Variants in KCND3 observed in about 807,000 individuals in gnomAD.
KCND3 encodes potassium voltage-gated channel subfamily D member 3.
A neutral mutation model predicts 51.1 loss-of-function variants in KCND3; 9 were observed. The ratio of observed to expected loss-of-function variants is 0.18; its 90% CI spans 0.11 to 0.31. KCND3 has a LOEUF of 0.31. Among genes scored for constraint, KCND3 ranks in the 10% least tolerant of loss-of-function variants. The pLI is 1.00. For synonymous variants in KCND3, 349 were observed against 368.0 expected, an observed-to-expected ratio of 0.95 and a Z score of 0.59; for missense variants, 526 against 903.8, an observed-to-expected ratio of 0.58 and a Z score of 5.36.
chr1:111,809,892 C>T (rs1017833176), intron 2 of KCND3, among the ~76,000 whole-genome samples: 4 of 152,146 alleles, frequency 2.6e-5, no homozygotes, highest in African/African-American at 9.7e-5. Context: ...CTCTCTGTGC[C>T]CATCCTGCTC....
intron 2 of KCND3, among the ~76,000 whole-genome samples, chr1:111,972,502 C>T (rs186248207): frequency 1.3e-4 from 20 of 152,330 alleles, no homozygotes; most frequent in African/African-American, 3.8e-4. Flanking sequence ...ACTAGCAAAC[C>T]AGCATATTAG....
chr1:111,987,279 A>T (rs1675334426), intron 1 of KCND3, among the ~76,000 whole-genome samples: 1 of 152,122 alleles, frequency 6.6e-6, no homozygotes, highest in African/African-American at 2.4e-5. Context: ...CTGCTTTCAG[A>T]TGAATAATTG....
intron 2 of KCND3, among the ~76,000 whole-genome samples, chr1:111,926,559 AG>A (rs1419864522): frequency 6.6e-6 from 1 of 152,178 alleles, no homozygotes; most frequent in African/African-American, 2.4e-5. Context: ...GGTGGCAGGG[AG>A]GGGCTTGGAG....
Position 111,917,211 on chromosome 1 carries a change from C to T in KCND3, c.1106+64410G>A, listed in dbSNP as rs540160619. Among the ~76,000 whole-genome samples, 13 of 152,304 alleles carry T rather than the reference C, an allele frequency of 8.5e-5. No individual in the cohort carries two copies. The South Asian group carries it at 2.7e-3, about 32-fold the overall frequency. ...GCAAGAATGCCTGCTTTGATCATTT[C>T]TATTTACCATTTCATTCAACATTGT... On this transcript the variant is annotated intron_variant, in intron 2 of 7. Coordinates refer to ENST00000302127, the MANE Select transcript of KCND3 (RefSeq NM_001378969.1).
chr1:111,782,264 TG>T (rs1262824017), intron 3 of KCND3, among the ~76,000 whole-genome samples: 1 of 152,192 alleles, frequency 6.6e-6, no homozygotes, highest in African/African-American at 2.4e-5. Flanking sequence ...TCTTGCTTCC[TG>T]GGAAGTATCT....
chr1:111,941,558 T>A (rs946544474), intron 2 of KCND3, among the ~76,000 whole-genome samples: 4 of 152,176 alleles, frequency 2.6e-5, no homozygotes, highest in African/African-American at 9.7e-5. Context: ...CTCCCATCCC[T>A]TCTGGAGAGG....
At chr1:111,837,286 C>CCCT (rs948877081) in intron 2 of KCND3, among the ~76,000 whole-genome samples, 15 of 152,060 alleles carry the variant, frequency 9.9e-5, no homozygotes, top group African/African-American at 3.6e-4. Context: ...CATCATGAGC[C>CCCT]CCTCAACATT....
intron 2 of KCND3, among the ~76,000 whole-genome samples, chr1:111,959,637 T>C (rs933849436): frequency 1.3e-5 from 2 of 152,070 alleles, no homozygotes; most frequent in African/African-American, 4.8e-5. Context: ...CTGCTGGGGA[T>C]GGCAGTAAAC....
chr1:111,832,712 A>G (rs927163205), intron 2 of KCND3, among the ~76,000 whole-genome samples: 2 of 152,052 alleles, frequency 1.3e-5, no homozygotes, highest in African/African-American at 4.8e-5. Context: ...ATGCAGTGGC[A>G]GAATGATAAA....
chr1:111,879,758 G>A (rs150036043), intron 2 of KCND3, among the ~76,000 whole-genome samples: 3 of 152,288 alleles, frequency 2.0e-5, no homozygotes, highest in East Asian at 3.9e-4. Context: ...TCCAGTGTTG[G>A]CTCATCCAGA....
intron 2 of KCND3, among the ~76,000 whole-genome samples, chr1:111,856,569 C>T (rs147310368): frequency 3.9e-5 from 6 of 152,198 alleles, no homozygotes; most frequent in African/African-American, 1.4e-4. Flanking sequence ...CAGGCCAGAC[C>T]CCCCCTTGCA....
intron 1 of KCND3, among the ~76,000 whole-genome samples, chr1:111,988,316 A>G (rs1170073143): frequency 1.3e-5 from 2 of 152,104 alleles, no homozygotes; most frequent in South Asian, 2.1e-4. Context: ...ACACGCACAG[A>G]TCCTCTTCTC....
At chr1:111,959,515 G>T (rs1234641683) in intron 2 of KCND3, among the ~76,000 whole-genome samples, 1 of 152,082 alleles carries the variant, frequency 6.6e-6, no homozygotes, top group Non-Finnish European at 1.5e-5. Flanking sequence ...GGTCACCAGG[G>T]TTGGAAGCTT....
chr1:111,880,726 C>T (rs191586547), intron 2 of KCND3, among the ~76,000 whole-genome samples: 6 of 152,268 alleles, frequency 3.9e-5, no homozygotes, highest in Admixed American at 3.9e-4. Flanking sequence ...ATTTAAATAT[C>T]ATAGTTACTG....
intron 2 of KCND3, among the ~76,000 whole-genome samples, chr1:111,817,898 G>A (rs1197491958): frequency 3.3e-5 from 5 of 152,224 alleles, no homozygotes; most frequent in African/African-American, 1.2e-4. Context: ...ATAAGAAGCT[G>A]TAATTAGTTT....
At chr1:111,808,327 G>C (rs546159601) in intron 2 of KCND3, among the ~76,000 whole-genome samples, 2 of 152,202 alleles carry the variant, frequency 1.3e-5, no homozygotes, top group South Asian at 4.2e-4. Context: ...CTTTGTAATC[G>C]GTTTGTTCAT....
intron 2 of KCND3, among the ~76,000 whole-genome samples, chr1:111,800,678 A>G (rs1462723015): frequency 2.0e-5 from 3 of 152,000 alleles, no homozygotes; most frequent in Admixed American, 1.3e-4. Context: ...GGACATTTGT[A>G]CTTTGGAGGG....
chr1:111,882,211 G>A (rs1233854099), intron 2 of KCND3, among the ~76,000 whole-genome samples: 1 of 152,180 alleles, frequency 6.6e-6, no homozygotes, highest in Non-Finnish European at 1.5e-5. Flanking sequence ...TCAATGAGAA[G>A]GTGAAAATAT....
intron 2 of KCND3, among the ~76,000 whole-genome samples, chr1:111,951,652 C>G (rs938498183): frequency 6.6e-6 from 1 of 152,182 alleles, no homozygotes; most frequent in Non-Finnish European, 1.5e-5. Context: ...AAACAGTTCC[C>G]TGCCCTTGTG....
Sources: allele counts gnomAD v4.1 joint callset (sites outside exome capture counted in the v4.1 genomes callset), GRCh38; gene constraint gnomAD v4.1.1; transcripts MANE v1.5; gene names NCBI Gene and HGNC (gene_info 2026-07-23, HGNC 2026-07-21).